FREM1: variants seen among roughly 807,000 people sequenced by gnomAD.
FREM1 encodes the protein FRAS1-related extracellular matrix protein 1.
FREM1 carries 220 observed loss-of-function variants against 210.1 expected under a neutral mutation model. That is an observed-to-expected ratio of 1.05 (90% CI 0.94 to 1.17). The LOEUF (loss-of-function observed/expected upper bound fraction) is 1.17. FREM1 is among the 50% of genes most tolerant of loss of function. FREM1 has a pLI of 0.00. For synonymous variants in FREM1, 1,189 were observed against 980.2 expected (o/e 1.21, Z -3.98); for missense variants, 3,454 against 2,675.5 (o/e 1.29, Z -6.42).
intron 24 of FREM1, 194 bp from the exon 25 acceptor site, chr9:14,776,397 C>A: frequency 2.0e-6 from 1 of 502,898 alleles, no homozygotes. Flanking sequence ...ATGGACCATT[C>A]TACACCCAAG....
At chr9:14,876,124 G>A (rs1254040489) in intron 1 of FREM1, among the ~76,000 whole-genome samples, 2 of 152,082 alleles carry the variant, frequency 1.3e-5, no homozygotes, top group African/African-American at 2.4e-5. Flanking sequence ...CGGGGGTCAG[G>A]GGTCAGGGAC....
chr9:14,764,279 A>T (rs1286672945), intron 27 of FREM1, among the ~76,000 whole-genome samples: 2 of 152,194 alleles, frequency 1.3e-5, no homozygotes, highest in Admixed American at 1.3e-4. Context: ...TTTCTTTATA[A>T]ATTACCCAGT....
Position 14,855,515 on chromosome 9 carries a change from T to C in FREM1, c.828+2038A>G, listed in dbSNP as rs188473690. Among the ~76,000 whole-genome samples the C allele has an allele frequency of 1.3e-4, 20 of 152,234 alleles. No individual in the cohort carries two copies. The East Asian group carries it at 3.3e-3, about 25-fold the overall frequency. ...CCATAAAAATAACAAAAGAACAAGA[T>C]ACAAAACTTCACATATAGTATAAAT... is the stretch of plus-strand genomic sequence containing the variant. On this transcript the variant is annotated intron_variant, in intron 5 of 36. Transcript: ENST00000380880.
In FREM1 at chr9:14,851,539, G is replaced by A. The variant is rs371596666; in HGVS notation, c.897C>T (p.Phe299=). 7 of 1,613,820 alleles carry A rather than the reference G, an allele frequency of 4.3e-6. No individual in the cohort carries two copies. Among genetic ancestry groups the A allele is most frequent in the African/African-American group, 2.7e-5 (2 of 74,930 alleles). Residue 299 remains phenylalanine (F), a synonymous_variant, in exon 6 of 37, where the codon TTC becomes TTT. Transcript: ENST00000380880. Reference sequence around the variant, plus strand: ...CCACTTCCAGAATAAACACGGCCATGAATGCAGCCTTTGGAATCTGATTCG... The same window carrying A: ...CCACTTCCAGAATAAACACGGCCATAAATGCAGCCTTTGGAATCTGATTCG... ...GIPNQIPKAA[F]MAVFILEVDQ...
At chr9:14,896,781 T>G (rs1837824386) in intron 1 of FREM1, among the ~76,000 whole-genome samples, 1 of 152,190 alleles carries the variant, frequency 6.6e-6, no homozygotes, top group Non-Finnish European at 1.5e-5. Context: ...CTCTAATGAT[T>G]TCATCAAACT....
Position 14,841,564 on chromosome 9 carries a change from C to G in FREM1, c.1764G>C (p.Gln588His), listed in dbSNP as rs966217665. 6.2e-7 allele frequency: 1 copy of G among 1,609,660 alleles called. No homozygotes were observed. The change falls in exon 10 of 37, where the codon CAG becomes CAC. Residue 588 changes from glutamine to histidine, a missense_variant. Gln to His is a conservative substitution (Grantham distance 24). Coordinates refer to ENST00000380880, the MANE Select transcript of FREM1 (RefSeq NM_001379081.2). ...LIGYPVHGFL[Q>H]RDLFNGIIYY... ...AAATGATTCCATTAAACAAATCCCT[C>G]TGAAGGAAGCCATGGACAGGATAGC...
chr9:14,841,146 A>G (rs1825629953), intron 10 of FREM1, among the ~76,000 whole-genome samples: 1 of 152,218 alleles, frequency 6.6e-6, no homozygotes, highest in Non-Finnish European at 1.5e-5. Flanking sequence ...TAATCACCAC[A>G]TATAAAATAA....
intron 5 of FREM1, among the ~76,000 whole-genome samples, chr9:14,855,061 T>A (rs1828481120): frequency 1.3e-5 from 2 of 152,050 alleles, no homozygotes; most frequent in Admixed American, 6.6e-5. Flanking sequence ...CTAACATAAA[T>A]GATTTAATTA....
At chr9:14,835,044 G>T (rs1049186444) in intron 10 of FREM1, among the ~76,000 whole-genome samples, 11 of 152,160 alleles carry the variant, frequency 7.2e-5, no homozygotes, top group African/African-American at 2.7e-4. Context: ...TTTGAAGATT[G>T]TAACACTGAA....
In FREM1 at chr9:14,788,998, G is replaced by T; in HGVS notation, c.4098C>A (p.Ser1366Arg). The stretch of plus-strand genomic sequence containing the variant: ...TGCCATCCCAAAGGTAGAAGGTGAA[G>T]CTATCTTGATTCTGGGAATCCATTG... ...TGAMDSQNQDSFTFYLWDGNN... is the reference protein window; with the variant it reads ...TGAMDSQNQDRFTFYLWDGNN... The change falls in exon 23 of 37, where the codon AGC (serine) becomes AGA (arginine). Residue 1366 changes from serine to arginine, a missense_variant. Ser to Arg is a moderately radical substitution (Grantham distance 110). Transcript: ENST00000380880. The T allele has an allele frequency of 6.2e-7, 1 of 1,612,796 alleles. No homozygotes were observed. The highest frequency in any genetic ancestry group is 8.5e-7 in the Non-Finnish European group (1 of 1,179,486).
chr9:14,787,651 G>A (rs1850626177), intron 23 of FREM1, among the ~76,000 whole-genome samples: 1 of 152,122 alleles, frequency 6.6e-6, no homozygotes. Flanking sequence ...CAGAATAAGG[G>A]AATGTCTAGA....
At chr9:14,741,384 G>A (rs1841552819) in intron 35 of FREM1, among the ~76,000 whole-genome samples, 1 of 152,150 alleles carries the variant, frequency 6.6e-6, no homozygotes, top group South Asian at 2.1e-4. Flanking sequence ...TTTTGCTGCT[G>A]TCTGATGCAA....
At chr9:14,909,284 G>A (rs909721772) in intron 1 of FREM1, among the ~76,000 whole-genome samples, 3 of 152,022 alleles carry the variant, frequency 2.0e-5, no homozygotes, top group Admixed American at 1.3e-4. Context: ...AAAATAAAAT[G>A]AAAAGAAACT....
At chr9:14,760,400 G>A (rs1845273568) in intron 27 of FREM1, among the ~76,000 whole-genome samples, 1 of 152,136 alleles carries the variant, frequency 6.6e-6, no homozygotes, top group African/African-American at 2.4e-5. Context: ...TTGAGGATGT[G>A]CTTGGGAATT....
intron 35 of FREM1, among the ~76,000 whole-genome samples, chr9:14,745,828 T>G (rs7851860): frequency 0.01 from 1,545 of 152,354 alleles, 31 homozygotes; most frequent in African/African-American, 0.035. Flanking sequence ...TTATCCTTTA[T>G]TGAATGTTCT....
intron 16 of FREM1, among the ~76,000 whole-genome samples, chr9:14,810,396 A>G (rs550340591): frequency 6.6e-6 from 1 of 152,298 alleles, no homozygotes; most frequent in South Asian, 2.1e-4. Context: ...TTACCTTGAA[A>G]TGGAATATAG....
intron 27 of FREM1, among the ~76,000 whole-genome samples, chr9:14,762,755 A>ATTTTT (rs34136678): frequency 0.021 from 2,943 of 137,828 alleles, 74 homozygotes; most frequent in East Asian, 0.046. Flanking sequence ...TTTGAATGTG[A>ATTTTT]TTTTTTTTTT....
intron 10 of FREM1, among the ~76,000 whole-genome samples, chr9:14,831,244 G>A (rs1007781508): frequency 1.3e-5 from 2 of 152,172 alleles, no homozygotes; most frequent in African/African-American, 2.4e-5. Flanking sequence ...CTATCCTGTT[G>A]CAAAACTCTT....
intron 1 of FREM1, 143 bp from the exon 2 acceptor site, chr9:14,869,387 C>T (rs894990271): frequency 1.2e-5 from 2 of 162,234 alleles, no homozygotes; most frequent in Non-Finnish European, 2.7e-5. Context: ...ACTAACTTGA[C>T]CTCTAGACCC....
Sources: gnomAD v4.1 joint callset for allele counts (sites outside exome capture counted in the v4.1 genomes callset) on GRCh38, gnomAD v4.1.1 for gene constraint, MANE v1.5 for transcripts, NCBI Gene and HGNC (gene_info 2026-07-23, HGNC 2026-07-21) for gene names.